SORCS3: variants seen among roughly 807,000 people sequenced by gnomAD.
SORCS3 encodes VPS10 domain-containing receptor SorCS3.
SORCS3 carries 57 observed loss-of-function variants against 146.3 expected under a neutral mutation model. That is an observed-to-expected ratio of 0.39 (90% CI 0.31 to 0.49). The LOEUF (loss-of-function observed/expected upper bound fraction) is 0.49, where lower values mean the gene tolerates loss of function less well. Among genes scored for constraint, SORCS3 ranks in the 20% least tolerant of loss-of-function variants. The pLI is 0.92. For missense variants in SORCS3, 1,341 were observed against 1,575.5 expected, an observed-to-expected ratio of 0.85 and a Z score of 2.52; for synonymous variants, 653 against 618.5, an observed-to-expected ratio of 1.06 and a Z score of -0.83.
intron 2 of SORCS3, among the ~76,000 whole-genome samples, chr10:104,846,764 C>A (rs1479827632): frequency 1.3e-5 from 2 of 152,164 alleles, no homozygotes; most frequent in Admixed American, 6.5e-5. Flanking sequence ...GCACAACCAT[C>A]TGTTGGTATC....
intron 5 of SORCS3, among the ~76,000 whole-genome samples, chr10:105,081,636 T>C (rs923414759): frequency 1.3e-5 from 2 of 152,210 alleles, no homozygotes; most frequent in East Asian, 1.9e-4. Context: ...TTGAAGCCAC[T>C]TGACCTTTTC....
At chr10:104,736,459 T>C (rs2016773890) in intron 1 of SORCS3, among the ~76,000 whole-genome samples, 1 of 152,198 alleles carries the variant, frequency 6.6e-6, no homozygotes, top group African/African-American at 2.4e-5. Flanking sequence ...TTGTTGCACA[T>C]GAGGGCTGGG....
intron 13 of SORCS3, among the ~76,000 whole-genome samples, chr10:105,175,882 C>A (rs2056397899): frequency 6.6e-6 from 1 of 152,114 alleles, no homozygotes; most frequent in Admixed American, 6.5e-5. Flanking sequence ...GTCTGAGAGA[C>A]TGGTTACTTT....
chr10:105,019,156 A>G (rs1387348666), intron 4 of SORCS3, among the ~76,000 whole-genome samples: 2 of 152,124 alleles, frequency 1.3e-5, no homozygotes, highest in Non-Finnish European at 2.9e-5. Context: ...TTATGTACTG[A>G]CACCAGATTA....
Position 105,191,818 on chromosome 10 carries a change from C to T in SORCS3, c.2010-8181C>T, listed in dbSNP as rs138427240. Among the ~76,000 whole-genome samples the T allele has an allele frequency of 3.3e-5, 5 of 152,278 alleles. No homozygotes were observed. In the East Asian group the frequency reaches 9.6e-4, roughly 29 times the overall value. ...GAATCCAATACCACAGCTGACCTGA[C>T]AGGAGACAGAGTTCAGGCAGTAATG... is the stretch of plus-strand genomic sequence containing the variant. On this transcript the variant is annotated intron_variant, in intron 14 of 26. Transcript: ENST00000369701.
At chr10:104,824,413 T>C (rs1248162793) in intron 1 of SORCS3, among the ~76,000 whole-genome samples, 1 of 152,192 alleles carries the variant, frequency 6.6e-6, no homozygotes, top group Non-Finnish European at 1.5e-5. Context: ...GTGCCTTAGG[T>C]CAGGAACTTT....
At chr10:104,825,705 G>A (rs770786518) in intron 1 of SORCS3, among the ~76,000 whole-genome samples, 1 of 152,134 alleles carries the variant, frequency 6.6e-6, no homozygotes, top group Non-Finnish European at 1.5e-5. Context: ...ATAGAAATTG[G>A]CAAGGAATTG....
At chr10:105,245,829 T>G (rs1404244735) in intron 21 of SORCS3, among the ~76,000 whole-genome samples, 164 bp downstream of exon 21, 1 of 152,142 alleles carries the variant, frequency 6.6e-6, no homozygotes, top group Non-Finnish European at 1.5e-5. Context: ...GAGATTGAGG[T>G]TATAAGAGAC....
chr10:104,899,760 C>T (rs938947836), intron 2 of SORCS3, among the ~76,000 whole-genome samples: 2 of 152,212 alleles, frequency 1.3e-5, no homozygotes, highest in African/African-American at 4.8e-5. Context: ...ATCTTGCCAT[C>T]ATCCTAATGC....
Position 104,741,700 on chromosome 10 carries a change from G to GTT in SORCS3, c.627+99777_627+99778dup, listed in dbSNP as rs71022746. Among the ~76,000 whole-genome samples the GTT allele has an allele frequency of 3.7e-3, 12 of 3,266 alleles. 3 individuals are homozygous for GTT. Among genetic ancestry groups the GTT allele is most frequent in the East Asian group, 0.014 (1 of 74 alleles). The allele number at this position is 3,266 out of a possible 152,430, so 2.1% of individuals were successfully genotyped here. On this transcript the variant is annotated intron_variant, in intron 1 of 26. Coordinates refer to ENST00000369701, the MANE Select transcript of SORCS3 (RefSeq NM_014978.3). ...CTTTCCTCTTTCCTTTCCATTCTGG[G>GTT]TTTTTTTTTTTTTTTTTTTTTTTTT...
rs111457413 is a variant in SORCS3 at position 104,864,195 on chromosome 10, C to T, written c.695+21336C>T. On this transcript the variant is annotated intron_variant, in intron 2 of 26. Coordinates refer to ENST00000369701, the MANE Select transcript of SORCS3 (RefSeq NM_014978.3). ...GATGTAGTATGGTTTTCTGGCTTTG[C>T]TATCTTGCCCAGAGGTGTCAGAAAT... Among the ~76,000 whole-genome samples the T allele has an allele frequency of 2.3e-3, 351 of 152,260 alleles. 2 individuals carry two copies. The highest frequency in any genetic ancestry group is 8.0e-3 in the African/African-American group (332 of 41,550).
At chr10:104,925,269 CAT>C (rs1055198349) in intron 3 of SORCS3, among the ~76,000 whole-genome samples, 1 of 152,212 alleles carries the variant, frequency 6.6e-6, no homozygotes, top group African/African-American at 2.4e-5. Flanking sequence ...CTGTAGAACA[CAT>C]GACTCGGTTG....
At chr10:105,086,633 A>G (rs1467252904) in intron 5 of SORCS3, among the ~76,000 whole-genome samples, 9 of 152,162 alleles carry the variant, frequency 5.9e-5, no homozygotes. Context: ...TTTTTAGTAT[A>G]GCATAGTATT....
chr10:104,999,773 A>G (rs1386487725), intron 4 of SORCS3, among the ~76,000 whole-genome samples: 1 of 152,142 alleles, frequency 6.6e-6, no homozygotes, highest in Admixed American at 6.6e-5. Flanking sequence ...CTCTGGGATC[A>G]TCGTGGTCCA....
intron 17 of SORCS3, among the ~76,000 whole-genome samples, chr10:105,213,108 A>G (rs1309431127): frequency 1.3e-5 from 2 of 152,194 alleles, no homozygotes; most frequent in Admixed American, 1.3e-4. Context: ...TACCATATGG[A>G]CAAGTGGTGC....
chr10:104,904,788 TA>T (rs398114711), intron 2 of SORCS3, among the ~76,000 whole-genome samples: 3,516 of 73,776 alleles, frequency 0.048, 125 homozygotes, highest in African/African-American at 0.29. Flanking sequence ...TGTGCGTTAT[TA>T]TTTTTTTTTT....
At chr10:104,803,637 C>G (rs1419030922) in intron 1 of SORCS3, among the ~76,000 whole-genome samples, 2 of 152,148 alleles carry the variant, frequency 1.3e-5, no homozygotes, top group African/African-American at 2.4e-5. Flanking sequence ...TTTCCCTTCT[C>G]CCTTATTGCC....
At chr10:105,158,285 CT>C (rs2119499816) in intron 10 of SORCS3, among the ~76,000 whole-genome samples, 1 of 152,028 alleles carries the variant, frequency 6.6e-6, no homozygotes, top group South Asian at 2.1e-4. Context: ...TCCCCAAGCC[CT>C]TTTAAGAACA....
Position 105,064,507 on chromosome 10 carries a change from G to A in SORCS3, c.1028+21379G>A, listed in dbSNP as rs540689083. On this transcript the variant is annotated intron_variant, in intron 5 of 26. Transcript: ENST00000369701. ...AGCTGGAGACCCAGGGAAGCTGCTG[G>A]CATGGCTCAGTCCAAGTCCAACAGT... is the stretch of plus-strand genomic sequence containing the variant. 3.9e-5 allele frequency among the ~76,000 whole-genome samples: 6 copies of A among 152,298 alleles called. No individual in the cohort carries two copies. In the South Asian group the frequency reaches 1.2e-3, roughly 32 times the overall value.
Sources: allele counts gnomAD v4.1 joint callset (sites outside exome capture counted in the v4.1 genomes callset), GRCh38; gene constraint gnomAD v4.1.1; transcripts MANE v1.5; gene names NCBI Gene and HGNC (gene_info 2026-07-23, HGNC 2026-07-21).